The following PCED1B variants were observed in gnomAD, a reference collection of about 807,000 sequenced individuals.
The protein encoded by PCED1B is PC-esterase domain-containing protein 1B.
For missense variants in PCED1B, 573 were observed against 573.9 expected (o/e 1.00, Z 0.02); for synonymous variants, 251 against 246.1 (o/e 1.02, Z -0.19).
chr12:47,101,921 G>A (rs1938724434), intron 1 of PCED1B, among the ~76,000 whole-genome samples: 1 of 151,908 alleles, frequency 6.6e-6, no homozygotes, highest in African/African-American at 2.4e-5. Flanking sequence ...ACTCCAGCCT[G>A]GGCAACAAGA....
intron 2 of PCED1B, among the ~76,000 whole-genome samples, chr12:47,159,026 C>T (rs1204542533): frequency 2.6e-5 from 4 of 152,134 alleles, no homozygotes; most frequent in African/African-American, 9.6e-5. Context: ...TGGTTTATCT[C>T]ACTTAACATA....
chr12:47,163,607 T>C (rs1467786680), intron 2 of PCED1B, among the ~76,000 whole-genome samples: 1 of 152,234 alleles, frequency 6.6e-6, no homozygotes, highest in Non-Finnish European at 1.5e-5. Flanking sequence ...GTTTGTTGAC[T>C]TGTTTTTTAA....
intron 1 of PCED1B, among the ~76,000 whole-genome samples, chr12:47,096,690 G>C (rs967959616): frequency 6.6e-6 from 1 of 152,094 alleles, no homozygotes; most frequent in African/African-American, 2.4e-5. Flanking sequence ...TTTAAAAGTA[G>C]ACTTTTCGTT....
intron 2 of PCED1B, among the ~76,000 whole-genome samples, chr12:47,189,111 G>GT (rs1942365301): frequency 6.6e-6 from 1 of 152,062 alleles, no homozygotes; most frequent in Non-Finnish European, 1.5e-5. Flanking sequence ...CATTTTGATT[G>GT]TTTTTTATCT....
At chr12:47,214,662 A>G (rs1434587190) in intron 2 of PCED1B, among the ~76,000 whole-genome samples, 2 of 152,096 alleles carry the variant, frequency 1.3e-5, no homozygotes, top group African/African-American at 2.4e-5. Context: ...AAAAGAAAAG[A>G]AAAGGAAAAA....
At chr12:47,151,995 A>G (rs112841587) in intron 2 of PCED1B, among the ~76,000 whole-genome samples, 1 of 152,236 alleles carries the variant, frequency 6.6e-6, no homozygotes, top group African/African-American at 2.4e-5. Flanking sequence ...CAACTGATAT[A>G]CATAGATAAC....
chr12:47,093,000 A>AT (rs1310681042), intron 1 of PCED1B, among the ~76,000 whole-genome samples: 6 of 151,788 alleles, frequency 4.0e-5, no homozygotes, highest in Non-Finnish European at 7.4e-5. Flanking sequence ...TGCTATTACA[A>AT]TTTTTTTTAA....
chr12:47,228,715 C>A (rs1029815099), intron 3 of PCED1B, among the ~76,000 whole-genome samples: 4 of 151,518 alleles, frequency 2.6e-5, no homozygotes, highest in Non-Finnish European at 4.4e-5. Flanking sequence ...ACTAAAAAAA[C>A]TACAAAAATT....
At chr12:47,100,839 G>A (rs1938671542) in intron 1 of PCED1B, among the ~76,000 whole-genome samples, 1 of 152,142 alleles carries the variant, frequency 6.6e-6, no homozygotes. Flanking sequence ...AGGCCGAGGG[G>A]GGCAGATCAT....
At chr12:47,159,973 A>G (rs941865882) in intron 2 of PCED1B, among the ~76,000 whole-genome samples, 3 of 152,212 alleles carry the variant, frequency 2.0e-5, no homozygotes, top group Admixed American at 6.5e-5. Context: ...AAATTTTTCT[A>G]GCACCATTTA....
rs186571973 is a variant in PCED1B at position 47,123,665 on chromosome 12, T to C, written c.-526+19470T>C. 3.4e-3 allele frequency among the ~76,000 whole-genome samples: 519 copies of C among 152,182 alleles called. 1 individual carries two copies. The highest frequency in any genetic ancestry group is 0.012 in the African/African-American group (491 of 41,566). ...AGAAGGCAAGAACAAAAGTTGAATA[T>C]GCATATTTGTTACAATGAGTGTTCT... On this transcript the variant is annotated intron_variant, in intron 2 of 3. Transcript: ENST00000546455.
chr12:47,215,613 A>G (rs1303619331), intron 2 of PCED1B, among the ~76,000 whole-genome samples: 1 of 152,200 alleles, frequency 6.6e-6, no homozygotes, highest in Non-Finnish European at 1.5e-5. Context: ...CAAGTGGAAC[A>G]CTAAGGGAGG....
At chr12:47,222,443 A>AAAAAAG (rs1555156330) in intron 3 of PCED1B, among the ~76,000 whole-genome samples, 1 of 147,122 alleles carries the variant, frequency 6.8e-6, no homozygotes, top group African/African-American at 2.6e-5. Context: ...AAAAAAAAAA[A>AAAAAAG]AGAGAGAGAA....
intron 1 of PCED1B, among the ~76,000 whole-genome samples, chr12:47,094,040 CTG>C (rs1228311973): frequency 1.3e-5 from 2 of 152,206 alleles, no homozygotes; most frequent in South Asian, 2.1e-4. Context: ...ATGCCTCCCA[CTG>C]TGAGTGCTGA....
chr12:47,215,012 A>C (rs1233288561), intron 2 of PCED1B, among the ~76,000 whole-genome samples: 1 of 147,240 alleles, frequency 6.8e-6, no homozygotes, highest in Non-Finnish European at 1.5e-5. Context: ...TCAGCCTCCC[A>C]AGGACCTGGG....
intron 2 of PCED1B, among the ~76,000 whole-genome samples, chr12:47,113,131 T>C (rs570477385): frequency 6.6e-6 from 1 of 152,324 alleles, no homozygotes; most frequent in African/African-American, 2.4e-5. Flanking sequence ...GTTTGGTCTC[T>C]GGGATATACT....
intron 2 of PCED1B, among the ~76,000 whole-genome samples, chr12:47,176,291 T>C (rs886605343): frequency 1.3e-5 from 2 of 152,168 alleles, no homozygotes; most frequent in African/African-American, 2.4e-5. Context: ...ATTTGTTTTT[T>C]TCCCCCAGTT....
intron 2 of PCED1B, among the ~76,000 whole-genome samples, chr12:47,178,672 G>T (rs1034248489): frequency 6.6e-6 from 1 of 152,034 alleles, no homozygotes; most frequent in Non-Finnish European, 1.5e-5. Context: ...TTCGAGACCA[G>T]CCTGACCAAC....
chr12:47,081,405 C>A (rs74083841), intron 1 of PCED1B, among the ~76,000 whole-genome samples: 133 of 152,298 alleles, frequency 8.7e-4, no homozygotes, highest in African/African-American at 2.8e-3. Flanking sequence ...ATTTGTTAGA[C>A]CAACACCTAA....
Sources: gnomAD v4.1 joint callset for allele counts (sites outside exome capture counted in the v4.1 genomes callset) on GRCh38, gnomAD v4.1.1 for gene constraint, MANE v1.5 for transcripts, NCBI Gene and HGNC (gene_info 2026-07-23, HGNC 2026-07-21) for gene names.